Variants in C4orf50 observed in about 807,000 individuals in gnomAD.
C4orf50 encodes the protein uncharacterized protein C4orf50.
Under a neutral mutation model 77.2 loss-of-function variants are expected in C4orf50, and 80 were observed. The ratio of observed to expected loss-of-function variants is 1.04; its 90% CI spans 0.87 to 1.25. The LOEUF (loss-of-function observed/expected upper bound fraction) is 1.25. Ranked by LOEUF, C4orf50 falls within the 50% of genes most tolerant of loss-of-function variation. C4orf50 has a pLI of 0.00. For missense variants in C4orf50, 1,257 were observed against 1,152.9 expected (o/e 1.09, Z -1.31); for synonymous variants, 532 against 465.3 (o/e 1.14, Z -1.84).
intron 28 of C4orf50, among the ~76,000 whole-genome samples, 198 bp from the exon 7 acceptor site, chr4:5,980,536 C>A (rs1168030016): frequency 6.6e-6 from 1 of 151,944 alleles, no homozygotes; most frequent in Non-Finnish European, 1.5e-5. Context: ...CCTGTAGAAT[C>A]TTTATTATCC....
At chr4:5,999,437 C>T (rs10027159) in intron 25 of C4orf50, among the ~76,000 whole-genome samples, 48,921 of 152,058 alleles carry the variant, frequency 0.32, 7,999 homozygotes, top group Middle Eastern at 0.37. Context: ...TGATGAAAGT[C>T]GGCTTTCGTG....
chr4:6,004,911 G>A (rs183403595), intron 25 of C4orf50, among the ~76,000 whole-genome samples: 58 of 152,190 alleles, frequency 3.8e-4, no homozygotes, highest in African/African-American at 1.2e-3. Context: ...AAAATATACC[G>A]GGCACTGAGC....
At chr4:5,973,570 G>A in intron 31 of C4orf50, 89 bp downstream of exon 9, 1 of 1,115,028 alleles carries the variant, frequency 9.0e-7, no homozygotes, top group Non-Finnish European at 1.3e-6. Context: ...GGGAGGAAAG[G>A]AGGGGCTGCT....
chr4:5,954,650 G>T (rs913883404), downstream of C4orf50, among the ~76,000 whole-genome samples: 1 of 152,134 alleles, frequency 6.6e-6, no homozygotes, highest in East Asian at 1.9e-4. This position sits in a 1 kb window ranked among gnomAD's most constrained non-coding sequence, Gnocchi z 4.7. Context: ...TATTCGATTC[G>T]TTCATTTTAA....
At chr4:5,902,937 C>T (rs1005855200) in intron 7 of C4orf50, 3 of 152,120 alleles carry the variant, frequency 2.0e-5, no homozygotes, top group Non-Finnish European at 4.4e-5. Context: ...AGTTGCAGGC[C>T]CTTCCTGCAT....
rs1719152826 is a variant in C4orf50 at position 5,959,497 on chromosome 4, T to C, written c.4405A>G (p.Asn1469Asp). 4.3e-6 allele frequency: 7 copies of C among 1,614,154 alleles called. No individual in the cohort carries two copies. The East Asian group carries it at 1.6e-4, about 36-fold the overall frequency. ...AGGAGCTCAGAGGGTGCTGGGACGTTATCGACTTGGAGGGCAGGACAGGGC... is the reference window on the plus strand; with the variant it reads ...AGGAGCTCAGAGGGTGCTGGGACGTCATCGACTTGGAGGGCAGGACAGGGC... The change falls in exon 34 of 34, where the codon AAC (asparagine) becomes GAC (aspartate). Residue 1469 changes from asparagine to aspartate, a missense_variant. Physicochemically the swap from Asn to Asp is conservative, Grantham distance 23. Transcript: ENST00000531445.
intron 7 of C4orf50, among the ~76,000 whole-genome samples, chr4:5,946,116 G>A (rs1051159425): frequency 7.9e-5 from 12 of 152,174 alleles, no homozygotes; most frequent in Non-Finnish European, 1.5e-4. Flanking sequence ...CCCTCTCCCC[G>A]CCCTCTGAAC....
intron 7 of C4orf50, among the ~76,000 whole-genome samples, chr4:5,925,757 G>C (rs1361341707): frequency 1.3e-5 from 2 of 152,244 alleles, no homozygotes; most frequent in Admixed American, 6.5e-5. Flanking sequence ...CTACACCAGG[G>C]TTTGGGAGCG....
At chr4:5,913,964 A>C (rs28543004) in intron 7 of C4orf50, among the ~76,000 whole-genome samples, 8,401 of 152,238 alleles carry the variant, frequency 0.055, 827 homozygotes, top group African/African-American at 0.19. Flanking sequence ...TAGTCATCTC[A>C]TTACCCCGGC....
chr4:5,992,831 C>G lies in C4orf50; in HGVS notation c.1193G>C (p.Arg398Thr), dbSNP rs1210156915. The change falls in exon 27 of 34, where the codon AGA becomes ACA. Residue 398 changes from arginine (R) to threonine (T), a missense_variant. Transcript: ENST00000531445. The surrounding 1 kb of genome is among the most constrained non-coding windows in gnomAD (Gnocchi z 5.0). ...TTCACGGTTGGATCCGGCCAGGTCT[C>G]TGGGGAGCTCGCTTGTGGTCTCCGG... 1 of 399,022 alleles carries G rather than the reference C, an allele frequency of 2.5e-6. No homozygotes were observed. Among genetic ancestry groups the G allele is most frequent in the Non-Finnish European group, 4.4e-6 (1 of 226,156 alleles). The allele number at this position is 399,022 out of a possible 1,614,324, so 24.7% of individuals were successfully genotyped here.
rs66815129 is a variant in C4orf50 at position 6,009,434 on chromosome 4, A to G, written c.427-902T>C. On this transcript the variant is annotated intron_variant, in intron 24 of 33. Transcript: ENST00000531445. The surrounding 1 kb of genome is among the most constrained non-coding windows in gnomAD (Gnocchi z 5.6). The stretch of plus-strand genomic sequence containing the variant: ...AGCAAACGTGAAAGAGGAAACCTGG[A>G]AACAGCTCAGACAAGCTTTGTTTGA... 0.4 allele frequency among the ~76,000 whole-genome samples: 61,359 copies of G among 152,116 alleles called. 12,861 individuals are homozygous for G. The highest frequency in any genetic ancestry group is 0.63 in the East Asian group (3,266 of 5,170).
intron 25 of C4orf50, among the ~76,000 whole-genome samples, chr4:5,995,045 CT>C (rs1721504039): frequency 2.0e-5 from 3 of 152,188 alleles, no homozygotes; most frequent in Admixed American, 2.0e-4. Flanking sequence ...CCCTCACCCC[CT>C]GCCCATGGAA....
At chr4:5,969,455 A>T (rs1042079214) in intron 31 of C4orf50, among the ~76,000 whole-genome samples, 4 of 82,904 alleles carry the variant, frequency 4.8e-5, no homozygotes, top group African/African-American at 2.2e-4. Flanking sequence ...AGGAGGTGGC[A>T]GGAGGAGGAA....
At chr4:5,911,091 A>G (rs906458288) in intron 7 of C4orf50, among the ~76,000 whole-genome samples, 4 of 151,274 alleles carry the variant, frequency 2.6e-5, no homozygotes, top group South Asian at 2.1e-4. Flanking sequence ...TGTATTTTTT[A>G]CTAGAGACAG....
At chr4:5,942,431 T>C (rs1278466589) in intron 7 of C4orf50, among the ~76,000 whole-genome samples, 1 of 152,188 alleles carries the variant, frequency 6.6e-6, no homozygotes, top group Non-Finnish European at 1.5e-5. Context: ...GGAGGCAATA[T>C]CAGTTTCTTG....
intron 25 of C4orf50, among the ~76,000 whole-genome samples, chr4:5,998,531 G>A (rs1191087864): frequency 6.6e-6 from 1 of 152,214 alleles, no homozygotes; most frequent in Non-Finnish European, 1.5e-5. Context: ...CACACTGCCA[G>A]GGCATAGAGG....
In C4orf50 at chr4:5,901,914, C is replaced by T. The variant is rs1716357589; in HGVS notation, c.*2475-3726G>A. On this transcript the variant is annotated intron_variant, in intron 7 of 7. Coordinates refer to the C4orf50 transcript ENST00000324058. This position sits in a 1 kb window ranked among gnomAD's most constrained non-coding sequence, Gnocchi z 4.4. Reference sequence around the variant, plus strand: ...TGAGCCTTCCAGGTAAAGCCAAGGCCCTTGGAAAGGCAGCTCAGAAGAGGC... The same window carrying T: ...TGAGCCTTCCAGGTAAAGCCAAGGCTCTTGGAAAGGCAGCTCAGAAGAGGC... The T allele has an allele frequency of 6.6e-6, 1 of 152,202 alleles. No individual in the cohort carries two copies. Among genetic ancestry groups the T allele is most frequent in the Non-Finnish European group, 1.5e-5 (1 of 68,068 alleles). The allele number at this position is 152,202 out of a possible 1,614,324, so 9.4% of individuals were successfully genotyped here. A position where few individuals can be genotyped will look rare whatever the true frequency, so the allele number is the denominator to read the frequency against.
intron 7 of C4orf50, among the ~76,000 whole-genome samples, chr4:5,934,351 C>T (rs1328319938): frequency 6.6e-6 from 1 of 152,206 alleles, no homozygotes; most frequent in African/African-American, 2.4e-5. Context: ...CCTCTGCAAG[C>T]TTCCTCATAT....
rs1031407305 is a variant in C4orf50, at chr4:5,992,622, G to A, written c.1221+181C>T. Among the ~76,000 whole-genome samples the A allele has an allele frequency of 6.6e-6, 1 of 151,768 alleles. No homozygotes were observed. The highest frequency in any genetic ancestry group is 6.6e-5 in the Admixed American group (1 of 15,246). ...CCCTTCCTCCCCACCCCCCATCCAGGTCTCAGGATGTTTCATTTCCTCTCC... is the reference window on the plus strand; with the variant it reads ...CCCTTCCTCCCCACCCCCCATCCAGATCTCAGGATGTTTCATTTCCTCTCC... On this transcript the variant is annotated intron_variant, in intron 27 of 33. Transcript: ENST00000531445. This position sits in a 1 kb window ranked among gnomAD's most constrained non-coding sequence, Gnocchi z 5.0.
Sources: allele counts gnomAD v4.1 joint callset (sites outside exome capture counted in the v4.1 genomes callset), GRCh38; gene constraint gnomAD v4.1.1; non-coding constraint Gnocchi (gnomAD v3.1); transcripts MANE v1.5; gene names NCBI Gene and HGNC (gene_info 2026-07-23, HGNC 2026-07-21).